Variants in SAMD4B observed in about 807,000 individuals in gnomAD.
SAMD4B encodes protein Smaug homolog 2.
In SAMD4B, 5 loss-of-function variants were observed where a neutral mutation model predicts 74.5. The observed-to-expected ratio is 0.07, with a 90% CI of 0.04 to 0.14. The LOEUF is 0.14. Among genes scored for constraint, SAMD4B ranks in the 10% least tolerant of loss-of-function variants. The pLI is 1.00. For missense variants in SAMD4B, 608 were observed against 921.8 expected (o/e 0.66, Z 4.41); for synonymous variants, 373 against 374.9 (o/e 1.00, Z 0.06).
In SAMD4B at chr19:39,384,859, ACC is replaced by A. The variant is rs2078199976; in HGVS notation, c.*1333_*1334del. ...ACTTTTGTTATGAATATGGCTGGTA[ACC>A]ATTGTGTATGTTATTAAAGATACAA... On this transcript the variant is annotated 3_prime_UTR_variant, in exon 14 of 14. Transcript: ENST00000610417. 1 of 152,570 alleles carries A rather than the reference ACC, an allele frequency of 6.6e-6. No individual in the cohort carries two copies. Among genetic ancestry groups the A allele is most frequent in the Non-Finnish European group, 1.5e-5 (1 of 68,022 alleles). 9.5% of individuals were successfully genotyped at this position (152,570 alleles called of 1,614,324 possible).
intron 1 of SAMD4B, among the ~76,000 whole-genome samples, chr19:39,343,302 A>C (rs2075444157): frequency 1.5e-5 from 2 of 129,708 alleles, no homozygotes; most frequent in African/African-American, 2.9e-5. Context: ...TTCCGCTCAT[A>C]CCCCCTGCAT....
At chr19:39,346,759 T>C (rs2145195449) in intron 1 of SAMD4B, among the ~76,000 whole-genome samples, 1 of 152,304 alleles carries the variant, frequency 6.6e-6, no homozygotes, top group Non-Finnish European at 1.5e-5. Context: ...TTGTTAGGTA[T>C]GCAGACCCTG....
chr19:39,388,943 T>C (rs764847413), downstream of SAMD4B: 1 of 1,614,038 alleles, frequency 6.2e-7, no homozygotes, highest in Non-Finnish European at 8.5e-7. Context: ...ACCTTGGGCC[T>C]GACCTTAAAG....
chr19:39,361,392 G>A (rs146134490), intron 3 of SAMD4B, among the ~76,000 whole-genome samples: 3,160 of 152,016 alleles, frequency 0.021, 48 homozygotes, highest in Middle Eastern at 0.041. Context: ...CGAGGCAGGC[G>A]GATCATGAGG....
rs374253229 is a variant in SAMD4B at position 39,369,755 on chromosome 19, G to A, written c.297G>A (p.Ser99=). The change falls in exon 4 of 14, where the codon TCG becomes TCA. Residue 99 remains serine, a synonymous_variant. Coordinates refer to ENST00000610417, the MANE Select transcript of SAMD4B (RefSeq NM_001384574.2). ...AGCCAGGCAACACAGAGGCCAAGTC[G>A]GAGTACATGAGGCTACTGCAGAAAG... The part of the protein sequence containing the change: ...LLQPGNTEAK[S]EYMRLLQKVL... 2.7e-5 allele frequency: 44 copies of A among 1,614,180 alleles called. No homozygotes were observed. The highest frequency in any genetic ancestry group is 3.6e-5 in the Non-Finnish European group (43 of 1,180,032).
At position 39,384,682 on chromosome 19, in the gene SAMD4B, G is replaced by A. The variant is rs977224301; in HGVS notation, c.*1155G>A. The A allele has an allele frequency of 3.3e-5, 5 of 152,572 alleles. No individual in the cohort carries two copies. The highest frequency in any genetic ancestry group is 1.2e-4 in the African/African-American group (5 of 41,412). The allele number at this position is 152,572 out of a possible 1,614,324, so 9.5% of individuals were successfully genotyped here. Reference sequence around the variant, plus strand: ...GGTTGTGTTGGGGCCCAGGTGGAGGGAGGGGATTTGGGGGTTCAGACTGCG... The same window carrying A: ...GGTTGTGTTGGGGCCCAGGTGGAGGAAGGGGATTTGGGGGTTCAGACTGCG... On this transcript the variant is annotated 3_prime_UTR_variant, in exon 14 of 14. Coordinates refer to ENST00000610417, the MANE Select transcript of SAMD4B (RefSeq NM_001384574.2).
At chr19:39,388,746 C>G (rs1363095981), downstream of SAMD4B, 11 of 1,610,434 alleles carry the variant, frequency 6.8e-6, no homozygotes, top group Non-Finnish European at 9.3e-6. Flanking sequence ...CCAAGGTGGA[C>G]AGCAGGACCA....
At chr19:39,364,605 ACTGT>A (rs1228554431) in intron 3 of SAMD4B, among the ~76,000 whole-genome samples, 22 of 152,220 alleles carry the variant, frequency 1.4e-4, no homozygotes, top group Admixed American at 1.3e-3. Flanking sequence ...AATGGGAATC[ACTGT>A]CTTTCTTCTT....
chr19:39,378,695 C>G lies in SAMD4B; in HGVS notation c.1530+106C>G. ...CACCGAGGCGGGCGGATCATGAGGT[C>G]AGGAGATCGAGACCATCCTGGCTAA... On this transcript the variant is annotated intron_variant, in intron 9 of 13. Transcript: ENST00000610417. This position sits in a 1 kb window ranked among gnomAD's most constrained non-coding sequence, Gnocchi z 4.4. 1 of 856,508 alleles carries G rather than the reference C, an allele frequency of 1.2e-6. No individual in the cohort carries two copies. Among genetic ancestry groups the G allele is most frequent in the East Asian group, 2.7e-5 (1 of 37,118 alleles). 53.1% of individuals were successfully genotyped at this position (856,508 alleles called of 1,614,324 possible).
At chr19:39,345,845 C>T (rs2075665476) in intron 1 of SAMD4B, among the ~76,000 whole-genome samples, 1 of 152,188 alleles carries the variant, frequency 6.6e-6, no homozygotes, top group Admixed American at 6.6e-5. Context: ...TACACCTTCC[C>T]TGCCCCCTCC....
chr19:39,355,333 G>C (rs2076283519), intron 2 of SAMD4B, among the ~76,000 whole-genome samples: 1 of 152,156 alleles, frequency 6.6e-6, no homozygotes, highest in African/African-American at 2.4e-5. Flanking sequence ...ACATCCAAAG[G>C]GATTGGCAAC....
Position 39,372,231 on chromosome 19 carries a change from G to A in SAMD4B, c.667+2106G>A, listed in dbSNP as rs546067188. On this transcript the variant is annotated intron_variant, in intron 4 of 13. Coordinates refer to ENST00000610417, the MANE Select transcript of SAMD4B (RefSeq NM_001384574.2). Reference sequence around the variant, plus strand: ...GGACAGTATACAGACAGATCTGGCTGGGGTGGATTCGAATGAGTAATAACA... The same window carrying A: ...GGACAGTATACAGACAGATCTGGCTAGGGTGGATTCGAATGAGTAATAACA... Among the ~76,000 whole-genome samples the A allele has an allele frequency of 7.2e-5, 11 of 152,318 alleles. No homozygotes were observed. The East Asian group carries it at 1.7e-3, about 24-fold the overall frequency.
At chr19:39,352,351 G>A (rs2145310687) in intron 1 of SAMD4B, 1 of 152,210 alleles carries the variant, frequency 6.6e-6, no homozygotes, top group Admixed American at 6.5e-5. Context: ...TCTAGTTTGT[G>A]CTCTTCTGTT....
At position 39,377,576 on chromosome 19, in the gene SAMD4B, C is replaced by T; in HGVS notation, c.1196C>T (p.Ala399Val). Reference protein sequence around the residue: ...TPIKAYSVLQATVAAATTTPT... With the variant: ...TPIKAYSVLQVTVAAATTTPT... ...ATCAAGGCCTACAGTGTCCTCCAGG[C>T]CACCGTGGCTGCCGCCACCACCACC... The change falls in exon 8 of 14, where the codon GCC (alanine) becomes GTC (valine). Residue 399 changes from alanine to valine, a missense_variant. By Grantham distance (64) the Ala-to-Val change is moderately conservative. Around this residue, in one of 9 missense-constraint regions of SAMD4B, gnomAD observed 99 missense variants for 112.1 expected, o/e 0.88. Transcript: ENST00000610417. 1 of 1,613,806 alleles carries T rather than the reference C, an allele frequency of 6.2e-7. No individual in the cohort carries two copies. The highest frequency in any genetic ancestry group is 1.1e-5 in the South Asian group (1 of 90,992).
intron 1 of SAMD4B, among the ~76,000 whole-genome samples, chr19:39,342,813 T>G (rs1189861690): frequency 6.6e-6 from 1 of 151,234 alleles, no homozygotes; most frequent in Non-Finnish European, 1.5e-5. Context: ...CCGAAATCTT[T>G]CTCATGCCCT....
chr19:39,372,119 A>T (rs559561652), intron 4 of SAMD4B, among the ~76,000 whole-genome samples: 2 of 152,290 alleles, frequency 1.3e-5, no homozygotes, highest in South Asian at 2.1e-4. Context: ...CAATGTTGAT[A>T]GGGGTTTGGA....
intron 1 of SAMD4B, chr19:39,350,128 C>T (rs915475651): frequency 6.6e-6 from 1 of 152,148 alleles, no homozygotes; most frequent in African/African-American, 2.4e-5. Flanking sequence ...TGGCAAAGGG[C>T]CTGACAATGT....
Position 39,385,639 on chromosome 19 carries a change from T to G in SAMD4B, c.*2112T>G. 1 of 502,898 alleles carries G rather than the reference T, an allele frequency of 2.0e-6. No individual in the cohort carries two copies. Among genetic ancestry groups the G allele is most frequent in the Non-Finnish European group, 3.5e-6 (1 of 287,738 alleles). 31.2% of individuals were successfully genotyped at this position (502,898 alleles called of 1,614,324 possible). ...GTTGGAGAAGACTTATTTGTTGGAG[T>G]TTCACTTGTTTAATGGTCTGGGCTT... is the stretch of plus-strand genomic sequence containing the variant. On this transcript the variant is annotated 3_prime_UTR_variant, in exon 14 of 14. Transcript: ENST00000610417.
At chr19:39,360,055 G>A (rs927507028) in intron 3 of SAMD4B, 1 of 151,758 alleles carries the variant, frequency 6.6e-6, no homozygotes, top group Non-Finnish European at 1.5e-5. Context: ...GCGTCGTGGC[G>A]GGTGCCTGTA....
Sources: allele counts gnomAD v4.1 joint callset (sites outside exome capture counted in the v4.1 genomes callset), GRCh38; gene constraint gnomAD v4.1.1; regional missense constraint gnomAD v4.1.1; non-coding constraint Gnocchi (gnomAD v3.1); transcripts MANE v1.5; gene names NCBI Gene and HGNC (gene_info 2026-07-23, HGNC 2026-07-21).